The following ZNF253 variants were observed in gnomAD, a reference collection of about 807,000 sequenced individuals.
ZNF253 encodes the protein zinc finger protein 253, also known as DNA-binding protein.
A neutral mutation model predicts 11.9 loss-of-function variants in ZNF253; 8 were observed. That is an observed-to-expected ratio of 0.67 (90% CI 0.40 to 1.22). ZNF253 has a LOEUF of 1.22. Ranked by LOEUF, ZNF253 falls within the 50% of genes most tolerant of loss-of-function variation. The pLI is 0.01. For missense variants in ZNF253, 485 were observed against 586.9 expected, an observed-to-expected ratio of 0.83 and a Z score of 1.79; for synonymous variants, 194 against 194.9, an observed-to-expected ratio of 1.00 and a Z score of 0.04.
rs1391227648 is a variant in ZNF253 at position 19,894,464 on chromosome 19, G to A, written c.*1717G>A. ...AAGATGCATGATGAAAATATAAGTG[G>A]AGAGGCTCTTTGTAGTTAACTGATA... is the stretch of plus-strand genomic sequence containing the variant. On this transcript the variant is annotated 3_prime_UTR_variant, in exon 4 of 4. Coordinates refer to ENST00000589717, the MANE Select transcript of ZNF253 (RefSeq NM_021047.3). 2 of 152,158 alleles carry A rather than the reference G, an allele frequency of 1.3e-5. No individual in the cohort carries two copies. Among genetic ancestry groups the A allele is most frequent in the Non-Finnish European group, 2.9e-5 (2 of 68,012 alleles). 9.4% of individuals were successfully genotyped at this position (152,158 alleles called of 1,614,324 possible).
chr19:19,872,585 A>ATATATATATATATATATATATATTAT (rs58003826), intron 1 of ZNF253, among the ~76,000 whole-genome samples: 1 of 90,474 alleles, frequency 1.1e-5, no homozygotes, highest in African/African-American at 6.1e-5. Flanking sequence ...ATATATTATT[A>ATATATATATATATATATATATATTAT]TATATATATA....
rs1328412455 is a variant in ZNF253, at chr19:19,893,402, A to G, written c.*655A>G. 3.3e-5 allele frequency: 5 copies of G among 152,306 alleles called. No homozygotes were observed. Among genetic ancestry groups the G allele is most frequent in the African/African-American group, 1.2e-4 (5 of 41,434 alleles). 9.4% of individuals were successfully genotyped at this position (152,306 alleles called of 1,614,324 possible). A position where few individuals can be genotyped will look rare whatever the true frequency, so the allele number is the denominator to read the frequency against. On this transcript the variant is annotated 3_prime_UTR_variant, in exon 4 of 4. Transcript: ENST00000589717. ...TGAAAGATGCGACATTGCTTTTACC[A>G]ACACCTCCACATTTCCTATACATAA... is the stretch of plus-strand genomic sequence containing the variant.
intron 3 of ZNF253, among the ~76,000 whole-genome samples, chr19:19,881,571 C>A (rs1159218302): frequency 4.0e-5 from 6 of 150,732 alleles, no homozygotes; most frequent in Non-Finnish European, 8.8e-5. Flanking sequence ...ATCGCTTAAA[C>A]CTGGAAGGCA....
At chr19:19,872,573 ATATATAT>A (rs929986644) in intron 1 of ZNF253, among the ~76,000 whole-genome samples, 2 of 113,836 alleles carry the variant, frequency 1.8e-5, no homozygotes, top group Non-Finnish European at 3.2e-5. Context: ...ATATATATAT[ATATATAT>A]TATTATATAT....
intron 1 of ZNF253, among the ~76,000 whole-genome samples, chr19:19,877,028 A>T (rs1222922821): frequency 6.6e-6 from 1 of 152,202 alleles, no homozygotes; most frequent in Admixed American, 6.5e-5. Flanking sequence ...AGACGTGGAT[A>T]CTCAAGATTT....
At chr19:19,882,796 C>G (rs1377555086) in intron 3 of ZNF253, among the ~76,000 whole-genome samples, 1 of 151,522 alleles carries the variant, frequency 6.6e-6, no homozygotes, top group Non-Finnish European at 1.5e-5. Flanking sequence ...ATAGTGAAAC[C>G]CTGTTTCCAC....
chr19:19,887,791 TAGA>T (rs2063212400), intron 3 of ZNF253, among the ~76,000 whole-genome samples: 1 of 136,904 alleles, frequency 7.3e-6, no homozygotes, highest in Non-Finnish European at 1.5e-5. Context: ...TTTTTTTTTT[TAGA>T]AGAAGTCTCA....
At chr19:19,868,386 G>T (rs2063119981) in intron 1 of ZNF253, among the ~76,000 whole-genome samples, 1 of 151,890 alleles carries the variant, frequency 6.6e-6, no homozygotes, top group Non-Finnish European at 1.5e-5. Context: ...GTAATGAAGG[G>T]GTCCACTTTC....
chr19:19,878,054 T>C (rs1054065361), intron 1 of ZNF253, among the ~76,000 whole-genome samples: 1 of 149,610 alleles, frequency 6.7e-6, no homozygotes, highest in Non-Finnish European at 1.5e-5. Flanking sequence ...AGTCAGACTT[T>C]ATGCCAGATC....
chr19:19,880,884 T>C (rs767929119), intron 3 of ZNF253, among the ~76,000 whole-genome samples: 75 of 152,200 alleles, frequency 4.9e-4, no homozygotes, highest in Non-Finnish European at 9.3e-4. Flanking sequence ...TTTTTGTTTA[T>C]TTTTCTGCAC....
At chr19:19,885,313 TC>T (rs2063199624) in intron 3 of ZNF253, among the ~76,000 whole-genome samples, 2 of 68,622 alleles carry the variant, frequency 2.9e-5, no homozygotes, top group African/African-American at 2.9e-4. Flanking sequence ...TTTCTTTCTT[TC>T]TTTCTTTCTT....
At chr19:19,881,391 G>A (rs1420664856) in intron 3 of ZNF253, among the ~76,000 whole-genome samples, 1 of 152,016 alleles carries the variant, frequency 6.6e-6, no homozygotes, top group African/African-American at 2.4e-5. Context: ...GATCACGCCT[G>A]TAATCCTAGC....
chr19:19,879,269 A>C (rs2063167578), intron 2 of ZNF253, among the ~76,000 whole-genome samples: 1 of 152,172 alleles, frequency 6.6e-6, no homozygotes, highest in African/African-American at 2.4e-5. Context: ...ATAATATTTA[A>C]ATGTACTGCA....
At chr19:19,884,880 TC>T (rs1392326553) in intron 3 of ZNF253, among the ~76,000 whole-genome samples, 1 of 152,240 alleles carries the variant, frequency 6.6e-6, no homozygotes, top group Non-Finnish European at 1.5e-5. Context: ...TTTTCATTTC[TC>T]TACAAATTAG....
chr19:19,888,430 G>GTT (rs373156931), intron 3 of ZNF253, among the ~76,000 whole-genome samples: 3 of 145,534 alleles, frequency 2.1e-5, no homozygotes, highest in East Asian at 2.0e-4. Flanking sequence ...GTCTTTTTGT[G>GTT]TTTTTTTTTT....
At chr19:19,885,353 TCTTCCTTTC>T (rs2063201434) in intron 3 of ZNF253, among the ~76,000 whole-genome samples, 2 of 66,892 alleles carry the variant, frequency 3.0e-5, no homozygotes, top group African/African-American at 3.6e-4. Context: ...TTTCTTTCTT[TCTTCCTTTC>T]TTTTCTTTCT....
At chr19:19,865,864 CT>C, upstream of ZNF253, 2 of 1,200,236 alleles carry the variant, frequency 1.7e-6, no homozygotes, top group Admixed American at 3.4e-5. Context: ...TTGTTTCTCG[CT>C]GCAGCGGGAG....
At chr19:19,871,839 G>C (rs2063135021) in intron 1 of ZNF253, among the ~76,000 whole-genome samples, 1 of 152,098 alleles carries the variant, frequency 6.6e-6, no homozygotes, top group South Asian at 2.1e-4. Context: ...TCTGGGGCTG[G>C]AGGAAATTTT....
At chr19:19,873,102 A>T (rs1401249644) in intron 1 of ZNF253, among the ~76,000 whole-genome samples, 1 of 152,132 alleles carries the variant, frequency 6.6e-6, no homozygotes, top group South Asian at 2.1e-4. Flanking sequence ...GATTTTTCAC[A>T]TCTTGTTCAT....
Sources: allele counts gnomAD v4.1 joint callset (sites outside exome capture counted in the v4.1 genomes callset), GRCh38; gene constraint gnomAD v4.1.1; transcripts MANE v1.5; gene names NCBI Gene and HGNC (gene_info 2026-07-23, HGNC 2026-07-21).